NUP133: variants seen among roughly 807,000 people sequenced by gnomAD.
The protein encoded by NUP133 is nuclear pore complex protein Nup133.
Under a neutral mutation model 146.2 loss-of-function variants are expected in NUP133, and 66 were observed. The observed-to-expected ratio is 0.45, with a 90% CI of 0.37 to 0.55. NUP133 has a LOEUF of 0.55. Ranked by LOEUF, NUP133 falls within the 20% of genes least tolerant of loss-of-function variation. NUP133 has a pLI of 0.00. For synonymous variants in NUP133, 521 were observed against 498.8 expected, an observed-to-expected ratio of 1.04 and a Z score of -0.59; for missense variants, 1,277 against 1,374.8, an observed-to-expected ratio of 0.93 and a Z score of 1.12.
chr1:229,458,985 A>T (rs972797450), intron 20 of NUP133, among the ~76,000 whole-genome samples: 1 of 152,192 alleles, frequency 6.6e-6, no homozygotes, highest in African/African-American at 2.4e-5. Context: ...AATAATCCAT[A>T]AGAAATGCTT....
intron 8 of NUP133, among the ~76,000 whole-genome samples, chr1:229,490,419 AT>A (rs1419911357): frequency 6.6e-6 from 1 of 151,152 alleles, no homozygotes; most frequent in Non-Finnish European, 1.5e-5. Flanking sequence ...AAAAAAAAAA[AT>A]ACTGAATGAA....
intron 21 of NUP133, among the ~76,000 whole-genome samples, chr1:229,453,191 A>G (rs1407210006): frequency 6.6e-6 from 1 of 152,112 alleles, no homozygotes; most frequent in African/African-American, 2.4e-5. Flanking sequence ...AGCCTCCCAA[A>G]GTGTTGGGAG....
intron 12 of NUP133, among the ~76,000 whole-genome samples, chr1:229,482,575 C>G (rs1571928217): frequency 6.6e-6 from 1 of 152,074 alleles, no homozygotes; most frequent in East Asian, 1.9e-4. Flanking sequence ...AAGGAAAGTA[C>G]CAGAATACAT....
rs1383831210 is a variant in NUP133 at position 229,508,323 on chromosome 1, T to TA, written c.-75dup. 1.3e-5 allele frequency: 15 copies of TA among 1,164,474 alleles called. No individual in the cohort carries two copies. Among genetic ancestry groups the TA allele is most frequent in the African/African-American group, 4.9e-5 (3 of 61,730 alleles). The allele number at this position is 1,164,474 out of a possible 1,614,324, so 72.1% of individuals were successfully genotyped here. ...TGCAGCCTGGCCTGCGCGCGGAACT[T>TA]AAACACCTAAGGGAAGAGATGGCGC... On this transcript the variant is annotated 5_prime_UTR_variant, in exon 1 of 26. Coordinates refer to ENST00000261396, the MANE Select transcript of NUP133 (RefSeq NM_018230.3).
At chr1:229,489,160 T>C (rs1661440624) in intron 9 of NUP133, among the ~76,000 whole-genome samples, 2 of 152,150 alleles carry the variant, frequency 1.3e-5, no homozygotes, top group Admixed American at 6.5e-5. Context: ...TTCTTCTTTT[T>C]TTAGGATGGA....
intron 17 of NUP133, 45 bp from the exon 18 acceptor site, chr1:229,464,920 T>C: frequency 6.2e-7 from 1 of 1,604,876 alleles, no homozygotes; most frequent in East Asian, 2.2e-5. Context: ...AGGGATCTAG[T>C]GATGGCTAAA....
Position 229,491,514 on chromosome 1 carries a change from C to T in NUP133, c.1047-1412G>A, listed in dbSNP as rs1661514310. ...ATTTAAAAGGCCAGGTGTGGTGTTT[C>T]ACACCTGTAACCCCAGCACTTTGGG... On this transcript the variant is annotated intron_variant, in intron 8 of 25. Coordinates refer to ENST00000261396, the MANE Select transcript of NUP133 (RefSeq NM_018230.3). Among the ~76,000 whole-genome samples, 8 of 152,246 alleles carry T rather than the reference C, an allele frequency of 5.3e-5. No individual in the cohort carries two copies. In the South Asian group the frequency reaches 1.7e-3, roughly 32 times the overall value.
At chr1:229,481,860 C>T (rs1473056949) in intron 12 of NUP133, among the ~76,000 whole-genome samples, 1 of 152,206 alleles carries the variant, frequency 6.6e-6, no homozygotes, top group East Asian at 1.9e-4. Flanking sequence ...GAGGGCCCTG[C>T]TCATGCCTCG....
intron 15 of NUP133, among the ~76,000 whole-genome samples, 192 bp from the exon 16 acceptor site, chr1:229,466,948 G>T (rs1660839643): frequency 6.6e-6 from 1 of 152,018 alleles, no homozygotes; most frequent in African/African-American, 2.4e-5. Context: ...AAGTCAGAGT[G>T]CCCAAATAAG....
chr1:229,497,818 G>A (rs746407619), intron 6 of NUP133, among the ~76,000 whole-genome samples: 5 of 152,198 alleles, frequency 3.3e-5, no homozygotes, highest in Admixed American at 6.5e-5. Flanking sequence ...GGCATGAGTA[G>A]AAACACGCTT....
At chr1:229,489,903 G>A in intron 9 of NUP133, 52 bp downstream of exon 9, 2 of 1,445,588 alleles carry the variant, frequency 1.4e-6, no homozygotes, top group Non-Finnish European at 9.2e-7. Flanking sequence ...GAAATGGTTA[G>A]AAAAATACTC....
chr1:229,486,249 G>A, intron 11 of NUP133, 122 bp downstream of exon 11: 1 of 820,424 alleles, frequency 1.2e-6, no homozygotes, highest in South Asian at 2.3e-5. Context: ...TTGAGGCCAG[G>A]AGTTTGGGGC....
chr1:229,447,796 TCTC>T (rs535192192), intron 24 of NUP133, among the ~76,000 whole-genome samples: 2 of 152,152 alleles, frequency 1.3e-5, no homozygotes, highest in South Asian at 2.1e-4. Flanking sequence ...CACCCCATGA[TCTC>T]CTCATCTGTA....
chr1:229,444,125 G>A (rs894928440), intron 25 of NUP133, among the ~76,000 whole-genome samples: 1 of 152,020 alleles, frequency 6.6e-6, no homozygotes, highest in African/African-American at 2.4e-5. Flanking sequence ...GAGGTCAGGA[G>A]TTCGAGGCCA....
intron 12 of NUP133, among the ~76,000 whole-genome samples, chr1:229,478,841 C>T (rs569520070): frequency 6.6e-6 from 1 of 152,298 alleles, no homozygotes; most frequent in East Asian, 1.9e-4. Flanking sequence ...CAGTCTGTTC[C>T]AGTGTCCCAA....
intron 5 of NUP133, chr1:229,499,080 T>C (rs371767049): frequency 1.4e-5 from 6 of 429,294 alleles, no homozygotes; most frequent in African/African-American, 1.2e-4. Context: ...TAAATTTTTT[T>C]GTAGAGACAA....
rs1294110934 is a variant in NUP133, at chr1:229,501,949, A to G, written c.405+50T>C. On this transcript the variant is annotated intron_variant, in intron 3 of 25. Transcript: ENST00000261396. The stretch of plus-strand genomic sequence containing the variant: ...AAATTAGGGTAAAAATGAAAAGTCA[A>G]TTGGCATTCCTCTCCTCTATCTTGT... 3.0e-6 allele frequency: 4 copies of G among 1,332,630 alleles called. No individual in the cohort carries two copies. The African/African-American group carries it at 4.4e-5, about 15-fold the overall frequency. 82.6% of individuals were successfully genotyped at this position (1,332,630 alleles called of 1,614,324 possible). A position where few individuals can be genotyped will look rare whatever the true frequency, so the allele number is the denominator to read the frequency against.
chr1:229,496,430 C>T (rs917512933), intron 6 of NUP133, among the ~76,000 whole-genome samples: 21 of 152,116 alleles, frequency 1.4e-4, no homozygotes, highest in Non-Finnish European at 1.2e-4. Flanking sequence ...GCCGAGATCG[C>T]ACCACTGCAC....
At chr1:229,446,476 A>G (rs927264190) in intron 24 of NUP133, among the ~76,000 whole-genome samples, 1 of 152,056 alleles carries the variant, frequency 6.6e-6, no homozygotes, top group African/African-American at 2.4e-5. Context: ...AGAAAAGGGC[A>G]CTGACCCTCA....
Sources: gnomAD v4.1 joint callset for allele counts (sites outside exome capture counted in the v4.1 genomes callset) on GRCh38, gnomAD v4.1.1 for gene constraint, MANE v1.5 for transcripts, NCBI Gene and HGNC (gene_info 2026-07-23, HGNC 2026-07-21) for gene names.